Variants in MTHFD1L observed in about 807,000 individuals in gnomAD.
MTHFD1L encodes monofunctional C1-tetrahydrofolate synthase, mitochondrial.
In MTHFD1L, 81 loss-of-function variants were observed where a neutral mutation model predicts 119.5. The observed-to-expected ratio is 0.68, with a 90% CI of 0.57 to 0.82. MTHFD1L has a LOEUF of 0.82. MTHFD1L is among the 40% of genes least tolerant of loss of function. MTHFD1L has a pLI of 0.00. For synonymous variants in MTHFD1L, 430 were observed against 475.2 expected, an observed-to-expected ratio of 0.90 and a Z score of 1.24; for missense variants, 1,125 against 1,253.4, an observed-to-expected ratio of 0.90 and a Z score of 1.55.
At chr6:150,914,231 G>T (rs1562368329) in intron 8 of MTHFD1L, among the ~76,000 whole-genome samples, 1 of 150,780 alleles carries the variant, frequency 6.6e-6, no homozygotes, top group Non-Finnish European at 1.5e-5. Context: ...TGGGAGGCGG[G>T]GGTTACAGGG....
At chr6:151,081,876 C>T (rs1300641231) in intron 26 of MTHFD1L, among the ~76,000 whole-genome samples, 1 of 152,112 alleles carries the variant, frequency 6.6e-6, no homozygotes, top group East Asian at 1.9e-4. Flanking sequence ...AAGACCAGAT[C>T]GGCTGAGTGA....
Position 151,037,043 on chromosome 6 carries a change from A to G in MTHFD1L, c.2773A>G (p.Arg925Gly). ...CCAACCTGACAAAAAAGGTGTGCCA[A>G]GGGACTTCATCTTACCTATCAGTGA... ...SHQPDKKGVPRDFILPISDVR... is the reference protein window; with the variant it reads ...SHQPDKKGVPGDFILPISDVR... The change falls in exon 26 of 28, where the codon AGG becomes GGG. Residue 925 changes from arginine (R) to glycine (G), a missense_variant. Physicochemically the swap from Arg to Gly is moderately radical, Grantham distance 125 (BLOSUM62 -2). This residue lies in a region of MTHFD1L where 61 missense variants were observed against 78.9 expected (regional missense o/e 0.77). Coordinates refer to ENST00000367321, the MANE Select transcript of MTHFD1L (RefSeq NM_015440.5). The G allele has an allele frequency of 6.2e-7, 1 of 1,612,004 alleles. No individual in the cohort carries two copies. The highest frequency in any genetic ancestry group is 8.5e-7 in the Non-Finnish European group (1 of 1,179,840).
intron 6 of MTHFD1L, among the ~76,000 whole-genome samples, chr6:150,886,942 G>A (rs1056760794): frequency 6.6e-6 from 1 of 150,414 alleles, no homozygotes; most frequent in Non-Finnish European, 1.5e-5. Context: ...GCTTCAGTGA[G>A]CTGTGATCAC....
chr6:150,949,005 T>C, intron 15 of MTHFD1L, 26 bp from the exon 16 acceptor site: 1 of 1,578,580 alleles, frequency 6.3e-7, no homozygotes, highest in Non-Finnish European at 8.7e-7. Context: ...CTCAAACTTC[T>C]CACCTTTTTT....
intron 11 of MTHFD1L, chr6:150,935,008 A>G (rs1428945337): frequency 1.8e-5 from 29 of 1,607,360 alleles, no homozygotes; most frequent in Non-Finnish European, 2.3e-5. Flanking sequence ...ATCCTGTCCA[A>G]CCTGCCTTCA....
chr6:151,080,410 G>C, intron 26 of MTHFD1L, among the ~76,000 whole-genome samples: 1 of 152,166 alleles, frequency 6.6e-6, no homozygotes, highest in East Asian at 1.9e-4. Context: ...GGATGGAGGA[G>C]AAACCCAGGA....
chr6:150,966,231 A>G (rs1019179551), intron 19 of MTHFD1L, among the ~76,000 whole-genome samples: 2 of 152,170 alleles, frequency 1.3e-5, no homozygotes, highest in African/African-American at 4.8e-5. Context: ...CAGGCTGTAC[A>G]GGAAGCATGG....
chr6:150,877,385 G>C (rs1233842192), intron 2 of MTHFD1L, among the ~76,000 whole-genome samples: 1 of 152,124 alleles, frequency 6.6e-6, no homozygotes, highest in Admixed American at 6.6e-5. Context: ...AAGCTGGCTA[G>C]GTTACTATGT....
chr6:151,017,146 A>G (rs919485589), intron 24 of MTHFD1L, among the ~76,000 whole-genome samples: 1 of 151,966 alleles, frequency 6.6e-6, no homozygotes, highest in South Asian at 2.1e-4. Flanking sequence ...CAATCTCCAG[A>G]ACGCTTTTCA....
At chr6:151,012,019 C>CAAAAAAAAAAAAAAAAAAAAA (rs1043831602) in intron 21 of MTHFD1L, among the ~76,000 whole-genome samples, 4 of 58,820 alleles carry the variant, frequency 6.8e-5, no homozygotes, top group Non-Finnish European at 1.3e-4. Flanking sequence ...ACAACAACAA[C>CAAAAAAAAAAAAAAAAAAAAA]AAAAAAAAAA....
intron 26 of MTHFD1L, among the ~76,000 whole-genome samples, chr6:151,040,905 C>T (rs1786997326): frequency 6.6e-6 from 1 of 152,178 alleles, no homozygotes; most frequent in African/African-American, 2.4e-5. Flanking sequence ...CCGCTCCTGA[C>T]GTCACTCTTT....
intron 27 of MTHFD1L, among the ~76,000 whole-genome samples, chr6:151,095,477 A>C (rs1794823763): frequency 6.6e-6 from 1 of 152,222 alleles, no homozygotes; most frequent in South Asian, 2.1e-4. Context: ...CATGCTCTCC[A>C]AGTAGGTCAT....
chr6:150,985,660 CAAAAAAAAAAAA>C (rs71014533), intron 20 of MTHFD1L, among the ~76,000 whole-genome samples: 2 of 78,970 alleles, frequency 2.5e-5, no homozygotes, highest in Admixed American at 2.8e-4. Flanking sequence ...GACTCTGTCT[CAAAAAAAAAAAA>C]AAAAAAAAAG....
At chr6:150,998,542 A>C (rs1341179118) in intron 20 of MTHFD1L, among the ~76,000 whole-genome samples, 1 of 151,528 alleles carries the variant, frequency 6.6e-6, no homozygotes, top group African/African-American at 2.4e-5. Flanking sequence ...AAAAATCCAA[A>C]ATCCAAAGAA....
rs192636949 is a variant in MTHFD1L at position 150,969,407 on chromosome 6, A to T, written c.2014-2540A>T. 2.2e-4 allele frequency among the ~76,000 whole-genome samples: 34 copies of T among 152,226 alleles called. No homozygotes were observed. In the East Asian group the frequency reaches 6.4e-3, roughly 29 times the overall value. On this transcript the variant is annotated intron_variant, in intron 19 of 27. Coordinates refer to ENST00000367321, the MANE Select transcript of MTHFD1L (RefSeq NM_015440.5). ...AGACCTGCTGAGGCTGAGGCAGGAG[A>T]ATAGCTTGAACCGGGGAGGTGGAGG...
chr6:151,030,959 T>C (rs923681217), intron 24 of MTHFD1L, among the ~76,000 whole-genome samples: 5 of 152,144 alleles, frequency 3.3e-5, no homozygotes, highest in Non-Finnish European at 1.5e-5. Flanking sequence ...TGCAGGAAAA[T>C]CACTTGAGGC....
intron 19 of MTHFD1L, among the ~76,000 whole-genome samples, chr6:150,969,406 G>A (rs1162461177): frequency 6.6e-6 from 1 of 151,878 alleles, no homozygotes; most frequent in East Asian, 1.9e-4. Context: ...TGAGGCAGGA[G>A]AATAGCTTGA....
rs12212746 is a variant in MTHFD1L at position 151,080,591 on chromosome 6, A to G, written c.2848-11876A>G. 3.3e-3 allele frequency among the ~76,000 whole-genome samples: 497 copies of G among 152,390 alleles called. 1 individual carries two copies. The highest frequency in any genetic ancestry group is 0.01 in the Middle Eastern group (3 of 294). On this transcript the variant is annotated intron_variant, in intron 26 of 27. Transcript: ENST00000367321. Reference sequence around the variant, plus strand: ...GTGCTAAAGCAGGAGGAAAACATACATAGAAGAAAGGAAATGTCCACATAA... The same window carrying G: ...GTGCTAAAGCAGGAGGAAAACATACGTAGAAGAAAGGAAATGTCCACATAA...
intron 26 of MTHFD1L, among the ~76,000 whole-genome samples, chr6:151,091,655 G>C (rs1794460725): frequency 6.6e-6 from 1 of 152,104 alleles, no homozygotes; most frequent in South Asian, 2.1e-4. Flanking sequence ...ACCTCATTAG[G>C]GTGCTGGGAA....
Sources: gnomAD v4.1 joint callset for allele counts (sites outside exome capture counted in the v4.1 genomes callset) on GRCh38, gnomAD v4.1.1 for gene constraint, gnomAD v4.1.1 regional missense constraint, MANE v1.5 for transcripts, NCBI Gene and HGNC (gene_info 2026-07-23, HGNC 2026-07-21) for gene names.